ADGRB3: variants seen among roughly 807,000 people sequenced by gnomAD.
The protein encoded by ADGRB3 is brain-specific angiogenesis inhibitor 3.
ADGRB3 carries 37 observed loss-of-function variants against 193.4 expected under a neutral mutation model. The observed-to-expected ratio is 0.19, with a 90% CI of 0.15 to 0.25. The LOEUF is 0.25. Ranked by LOEUF, ADGRB3 falls within the 10% of genes least tolerant of loss-of-function variation. The pLI, the probability that ADGRB3 is intolerant of heterozygous loss-of-function variation, is 1.00. For synonymous variants in ADGRB3, 690 were observed against 644.2 expected (o/e 1.07, Z -1.08); for missense variants, 1,637 against 1,852.9 (o/e 0.88, Z 2.14).
At chr6:68,860,476 G>A (rs1765121714) in intron 3 of ADGRB3, among the ~76,000 whole-genome samples, 1 of 152,094 alleles carries the variant, frequency 6.6e-6, no homozygotes, top group Non-Finnish European at 1.5e-5. Context: ...TATAAATGAG[G>A]ATAAATGATA....
chr6:69,132,817 G>T (rs1774047959), intron 17 of ADGRB3, among the ~76,000 whole-genome samples: 1 of 152,116 alleles, frequency 6.6e-6, no homozygotes, highest in Non-Finnish European at 1.5e-5. Context: ...GAGTAAAGAA[G>T]GGGTTCAGTT....
chr6:69,055,148 T>G (rs920078642), intron 15 of ADGRB3, among the ~76,000 whole-genome samples: 1 of 152,216 alleles, frequency 6.6e-6, no homozygotes, highest in Non-Finnish European at 1.5e-5. Context: ...ACATTTTTTA[T>G]TGTGTTAAAA....
chr6:68,851,570 TAGAG>T (rs1036047756), intron 3 of ADGRB3, among the ~76,000 whole-genome samples: 5 of 151,946 alleles, frequency 3.3e-5, no homozygotes, highest in East Asian at 1.9e-4. Flanking sequence ...CATTTAGGAA[TAGAG>T]AGAGATTTGT....
chr6:69,258,140 G>T (rs192490144), intron 20 of ADGRB3, among the ~76,000 whole-genome samples: 1 of 152,092 alleles, frequency 6.6e-6, no homozygotes, highest in Non-Finnish European at 1.5e-5. Context: ...AATGGTATTC[G>T]CAGAGAAGGA....
At chr6:69,263,507 A>T (rs943847340) in intron 20 of ADGRB3, among the ~76,000 whole-genome samples, 1 of 152,032 alleles carries the variant, frequency 6.6e-6, no homozygotes, top group Non-Finnish European at 1.5e-5. Context: ...AGTGTTGGAC[A>T]GTATGCTCTG....
At chr6:69,004,504 G>A (rs1437680164) in intron 11 of ADGRB3, among the ~76,000 whole-genome samples, 2 of 151,344 alleles carry the variant, frequency 1.3e-5, no homozygotes. Context: ...ATGTTGGTGT[G>A]CTGCACCCAT....
At chr6:69,364,845 G>A (rs891278467) in intron 29 of ADGRB3, among the ~76,000 whole-genome samples, 50 of 152,034 alleles carry the variant, frequency 3.3e-4, no homozygotes, top group Admixed American at 3.9e-4. Context: ...CAAAACAACA[G>A]CAACAACAAA....
At chr6:68,883,588 A>G (rs1311048990) in intron 3 of ADGRB3, among the ~76,000 whole-genome samples, 1 of 152,020 alleles carries the variant, frequency 6.6e-6, no homozygotes, top group African/African-American at 2.4e-5. Context: ...GGAGGAGTGA[A>G]CAACTCTGGA....
At chr6:68,704,264 G>T (rs1038987807) in intron 3 of ADGRB3, among the ~76,000 whole-genome samples, 3 of 152,188 alleles carry the variant, frequency 2.0e-5, no homozygotes, top group African/African-American at 7.2e-5. Context: ...TATCTTTGTT[G>T]TTTTAACAGT....
intron 20 of ADGRB3, among the ~76,000 whole-genome samples, chr6:69,303,401 C>A (rs904108772): frequency 6.6e-6 from 1 of 151,914 alleles, no homozygotes; most frequent in African/African-American, 2.4e-5. Context: ...TTGGCCACCC[C>A]TTACACAGCA....
intron 15 of ADGRB3, among the ~76,000 whole-genome samples, chr6:69,061,811 A>C (rs1771757911): frequency 2.2e-5 from 1 of 45,072 alleles, no homozygotes; most frequent in African/African-American, 4.4e-5. Flanking sequence ...GCCTGGGAGC[A>C]TGGAAGGGTA....
At chr6:68,873,440 G>A (rs1765512577) in intron 3 of ADGRB3, among the ~76,000 whole-genome samples, 1 of 151,964 alleles carries the variant, frequency 6.6e-6, no homozygotes. Flanking sequence ...TTAATCCCTG[G>A]GGAAGAAATA....
intron 17 of ADGRB3, among the ~76,000 whole-genome samples, chr6:69,098,923 C>G (rs1044365033): frequency 8.5e-5 from 13 of 152,082 alleles, no homozygotes; most frequent in African/African-American, 3.1e-4. Flanking sequence ...TTTATCAGTG[C>G]CAACTAATTC....
At chr6:69,360,164 A>G (rs962646086) in intron 28 of ADGRB3, among the ~76,000 whole-genome samples, 1 of 151,880 alleles carries the variant, frequency 6.6e-6, no homozygotes, top group African/African-American at 2.4e-5. Context: ...TTGGAGGTTC[A>G]TAAAGTGTTT....
chr6:69,363,027 T>A (rs1235583944), intron 29 of ADGRB3, among the ~76,000 whole-genome samples: 8 of 152,022 alleles, frequency 5.3e-5, no homozygotes, highest in Non-Finnish European at 1.0e-4. Flanking sequence ...TGCATGAAAA[T>A]ATTTTGGTTG....
At chr6:68,696,256 T>C (rs1765156320) in intron 3 of ADGRB3, among the ~76,000 whole-genome samples, 6 of 152,054 alleles carry the variant, frequency 3.9e-5, no homozygotes. Flanking sequence ...AATCAAATGC[T>C]TATTTTGGAA....
At chr6:69,308,186 G>A (rs1464131810) in intron 20 of ADGRB3, among the ~76,000 whole-genome samples, 1 of 151,398 alleles carries the variant, frequency 6.6e-6, no homozygotes, top group African/African-American at 2.4e-5. Context: ...TTTGAGTCCT[G>A]GCTCTGCCTC....
At chr6:69,354,075 G>A (rs1465476256) in intron 26 of ADGRB3, among the ~76,000 whole-genome samples, 158 bp from the exon 27 acceptor site, 4 of 152,098 alleles carry the variant, frequency 2.6e-5, no homozygotes, top group South Asian at 4.1e-4. Flanking sequence ...AAAAATAATA[G>A]TAGTAATAAT....
At chr6:69,173,985 T>C (rs1221165665) in intron 17 of ADGRB3, among the ~76,000 whole-genome samples, 5 of 152,250 alleles carry the variant, frequency 3.3e-5, no homozygotes, top group Admixed American at 3.3e-4. Context: ...GCTAATAAGA[T>C]GAACGTTTGA....
Sources: gnomAD v4.1 joint callset for allele counts (sites outside exome capture counted in the v4.1 genomes callset) on GRCh38, gnomAD v4.1.1 for gene constraint, MANE v1.5 for transcripts, NCBI Gene and HGNC (gene_info 2026-07-23, HGNC 2026-07-21) for gene names.